CCDC136: variants seen among roughly 807,000 people sequenced by gnomAD.
CCDC136 encodes coiled-coil domain-containing protein 136.
Under a neutral mutation model 141.2 loss-of-function variants are expected in CCDC136, and 100 were observed. The observed-to-expected ratio is 0.71, with a 90% CI of 0.60 to 0.84. The LOEUF is 0.84. Among genes scored for constraint, CCDC136 ranks in the 40% least tolerant of loss-of-function variants. CCDC136 has a pLI of 0.00. For missense variants in CCDC136, 1,206 were observed against 1,379.4 expected, an observed-to-expected ratio of 0.87 and a Z score of 1.99; for synonymous variants, 474 against 531.9, an observed-to-expected ratio of 0.89 and a Z score of 1.50.
intron 3 of CCDC136, among the ~76,000 whole-genome samples, chr7:128,799,153 G>A (rs1459096114): frequency 9.5e-6 from 1 of 104,966 alleles, no homozygotes; most frequent in African/African-American, 3.8e-5. Context: ...GCAACAGAAA[G>A]AGACCCCCAT....
At chr7:128,796,742 C>CTT (rs1218339624) in intron 3 of CCDC136, among the ~76,000 whole-genome samples, 5 of 108,926 alleles carry the variant, frequency 4.6e-5, no homozygotes, top group Non-Finnish European at 7.6e-5. Context: ...TATATATATT[C>CTT]TTTTTTTTTT....
chr7:128,802,729 A>G (rs2128906197), intron 4 of CCDC136, among the ~76,000 whole-genome samples: 1 of 152,350 alleles, frequency 6.6e-6, no homozygotes, highest in South Asian at 2.1e-4. Flanking sequence ...TGGTAATGTA[A>G]GATGTTGACA....
intron 17 of CCDC136, among the ~76,000 whole-genome samples, chr7:128,819,177 C>T (rs574792556): frequency 6.6e-6 from 1 of 152,358 alleles, no homozygotes; most frequent in South Asian, 2.1e-4. Flanking sequence ...CAGCCACAGC[C>T]TTCCACTACC....
At chr7:128,791,483 C>A, upstream of CCDC136, 1 of 1,321,424 alleles carries the variant, frequency 7.6e-7, no homozygotes, top group South Asian at 2.1e-5. The surrounding 1 kb of genome is among the most constrained non-coding windows in gnomAD (Gnocchi z 7.1). Context: ...AAGGCGGCGG[C>A]GGGAGCGGTC....
intron 4 of CCDC136, among the ~76,000 whole-genome samples, chr7:128,804,104 C>T (rs1246973511): frequency 6.6e-6 from 1 of 152,232 alleles, no homozygotes; most frequent in Non-Finnish European, 1.5e-5. Flanking sequence ...GCTTGAGCCA[C>T]TACACCTGGC....
At position 128,807,469 on chromosome 7, in the gene CCDC136, T is replaced by C. The variant is rs1253731072; in HGVS notation, c.1529T>C (p.Leu510Pro). The C allele has an allele frequency of 9.7e-6, 15 of 1,552,776 alleles. No homozygotes were observed. Among genetic ancestry groups the C allele is most frequent in the Non-Finnish European group, 1.2e-5 (14 of 1,148,996 alleles). Residue 510 changes from leucine to proline, a missense_variant, in exon 10 of 18, where the codon CTG becomes CCG. By Grantham distance (98) the Leu-to-Pro change is moderately conservative. Coordinates refer to ENST00000297788, the MANE Select transcript of CCDC136 (RefSeq NM_022742.5). ...TATGACCAGCTGGAGCAGGACCTCC[T>C]GCTCTGCCAGCTGGAGCTGAAAGAG... ...HMYDQLEQDL[L>P]LCQLELKELK...
At chr7:128,813,685 TA>T (rs1195132890) in intron 14 of CCDC136, among the ~76,000 whole-genome samples, 1 of 152,124 alleles carries the variant, frequency 6.6e-6, no homozygotes, top group Admixed American at 6.5e-5. Flanking sequence ...GGAGTTCCCA[TA>T]AAAAGAATTC....
chr7:128,794,758 G>T lies in CCDC136; in HGVS notation c.336G>T (p.Gln112His), dbSNP rs1802697275. The change falls in exon 3 of 18, where the codon CAG (glutamine) becomes CAT (histidine). Residue 112 changes from glutamine to histidine, a missense_variant. Coordinates refer to ENST00000297788, the MANE Select transcript of CCDC136 (RefSeq NM_022742.5). The surrounding 1 kb of genome is among the most constrained non-coding windows in gnomAD (Gnocchi z 4.3). ...CAGAGGTGTTCACCAAGCAGATCCA[G>T]CAGCTCCAAGGTAATTCCCAGGACT... ...QQAEVFTKQI[Q>H]QLQGELRSLR... 6.4e-7 allele frequency: 1 copy of T among 1,551,580 alleles called. No individual in the cohort carries two copies. The highest frequency in any genetic ancestry group is 1.4e-5 in the African/African-American group (1 of 73,046).
At chr7:128,796,332 A>T (rs2128895429) in intron 3 of CCDC136, among the ~76,000 whole-genome samples, 1 of 152,310 alleles carries the variant, frequency 6.6e-6, no homozygotes, top group South Asian at 2.1e-4. Context: ...AAGCAACAGC[A>T]ACTGCAAAGG....
At chr7:128,820,439 T>TTCTAC (rs1426200754) in intron 17 of CCDC136, among the ~76,000 whole-genome samples, 6 of 152,192 alleles carry the variant, frequency 3.9e-5, no homozygotes, top group Non-Finnish European at 5.9e-5. Context: ...CCATCCCATG[T>TTCTAC]AGAAGCTTGC....
At position 128,804,651 on chromosome 7, in the gene CCDC136, A is replaced by G; in HGVS notation, c.672A>G (p.Glu224=). Residue 224 remains glutamate, a splice_region_variant and synonymous_variant, in exon 5 of 18, where the codon GAA becomes GAG. Coordinates refer to ENST00000297788, the MANE Select transcript of CCDC136 (RefSeq NM_022742.5). ...LGLSDYSGLQ[E]ELQELRERYH... is the part of the protein sequence containing the mutation. ...TCTCTCTCTGCCTGTCCTCTGCAGAAGAACTGCAGGAGCTGCGGGAACGCT... is the reference window on the plus strand; with the variant it reads ...TCTCTCTCTGCCTGTCCTCTGCAGAGGAACTGCAGGAGCTGCGGGAACGCT... 1 of 1,549,382 alleles carries G rather than the reference A, an allele frequency of 6.5e-7. No homozygotes were observed. The highest frequency in any genetic ancestry group is 2.4e-5 in the East Asian group (1 of 41,990).
At position 128,806,645 on chromosome 7, in the gene CCDC136, T is replaced by C. The variant is rs779057040; in HGVS notation, c.1249-43T>C. 3.8e-6 allele frequency: 6 copies of C among 1,572,042 alleles called. No homozygotes were observed. The Admixed American group carries it at 7.2e-5, about 19-fold the overall frequency. On this transcript the variant is annotated intron_variant, in intron 8 of 17. Transcript: ENST00000297788. Reference sequence around the variant, plus strand: ...TGACTCACACAGAAGAGTGAGTGGGTTAAGGAGCCCAAAGGCACTGCCCAA... The same window carrying C: ...TGACTCACACAGAAGAGTGAGTGGGCTAAGGAGCCCAAAGGCACTGCCCAA...
At chr7:128,816,261 T>C (rs1045120525) in intron 16 of CCDC136, among the ~76,000 whole-genome samples, 1 of 152,234 alleles carries the variant, frequency 6.6e-6, no homozygotes. Flanking sequence ...CATCCCTCTT[T>C]TGGCACTGCA....
intron 4 of CCDC136, among the ~76,000 whole-genome samples, chr7:128,803,544 T>C (rs1804364742): frequency 6.6e-6 from 1 of 152,112 alleles, no homozygotes; most frequent in South Asian, 2.1e-4. Flanking sequence ...CACAGGTACT[T>C]GGGAGGCCGA....
chr7:128,811,392 A>T (rs1327722485), intron 12 of CCDC136: 1 of 459,608 alleles, frequency 2.2e-6, no homozygotes, highest in East Asian at 6.9e-5. Flanking sequence ...GCCGCATTCA[A>T]GGCCGGGGCT....
rs1804736814 is a variant in CCDC136 at position 128,805,778 on chromosome 7, T to C, written c.966T>C (p.Cys322=). The C allele has an allele frequency of 1.9e-6, 3 of 1,612,420 alleles. No individual in the cohort carries two copies. The East Asian group carries it at 6.7e-5, about 36-fold the overall frequency. ...CCACATAGTGTCAGGAATTGTGTTG[T>C]GAGTTGGAAGAGCTACAGCATCATC... ...GMKNKCQELC[C]ELEELQHHRQ... Residue 322 remains cysteine, a synonymous_variant, in exon 7 of 18, where the codon TGT becomes TGC. Coordinates refer to ENST00000297788, the MANE Select transcript of CCDC136 (RefSeq NM_022742.5). This position sits in a 1 kb window ranked among gnomAD's most constrained non-coding sequence, Gnocchi z 4.6.
At position 128,811,851 on chromosome 7, in the gene CCDC136, G is replaced by A. The variant is rs368143350; in HGVS notation, c.2080G>A (p.Ala694Thr). The A allele has an allele frequency of 5.6e-6, 9 of 1,610,040 alleles. No individual in the cohort carries two copies. The African/African-American group carries it at 8.0e-5, about 14-fold the overall frequency. ...GCAGGCCCTGCAGGTGATGTATGAC[G>A]CCGGTCAGGCGAAGCAGGAGCTCTT... ...QMQALQVMYDAGQAKQELLQQ... is the reference protein window; with the variant it reads ...QMQALQVMYDTGQAKQELLQQ... Residue 694 changes from alanine (A) to threonine (T), a missense_variant, in exon 13 of 18, where the codon GCC (alanine) becomes ACC (threonine). Ala to Thr is a moderately conservative substitution (Grantham distance 58). Coordinates refer to ENST00000297788, the MANE Select transcript of CCDC136 (RefSeq NM_022742.5).
chr7:128,801,205 G>C lies in CCDC136; in HGVS notation c.366G>C (p.Arg122=), dbSNP rs201330064. The C allele has an allele frequency of 1.9e-6, 3 of 1,613,202 alleles. No homozygotes were observed. In the African/African-American group the frequency reaches 4.0e-5, roughly 22 times the overall value. ...QQLQGELRSL[R]EEISLLEHEK... The stretch of plus-strand genomic sequence containing the variant: ...TTGCAGGTGAGCTGCGTTCTCTACG[G>C]GAGGAGATTTCCCTGTTAGAGCATG... The change falls in exon 4 of 18, where the codon CGG becomes CGC. Residue 122 remains arginine (R), a synonymous_variant. Transcript: ENST00000297788.
In CCDC136 at chr7:128,794,074, A is replaced by G. The variant is rs904022873; in HGVS notation, c.17-274A>G. On this transcript the variant is annotated intron_variant, in intron 1 of 17. Transcript: ENST00000297788. The surrounding 1 kb of genome is among the most constrained non-coding windows in gnomAD (Gnocchi z 4.3). Reference sequence around the variant, plus strand: ...ATCCTGTGCAAGTGTCTCATGGCTGAGCGGGCACCAGCCTGCCCACAGGCA... The same window carrying G: ...ATCCTGTGCAAGTGTCTCATGGCTGGGCGGGCACCAGCCTGCCCACAGGCA... Among the ~76,000 whole-genome samples the G allele has an allele frequency of 1.7e-4, 26 of 152,242 alleles. No individual in the cohort carries two copies. Among genetic ancestry groups the G allele is most frequent in the African/African-American group, 6.3e-4 (26 of 41,470 alleles).
Sources: gnomAD v4.1 joint callset for allele counts (sites outside exome capture counted in the v4.1 genomes callset) on GRCh38, gnomAD v4.1.1 for gene constraint, Gnocchi (gnomAD v3.1) non-coding constraint, MANE v1.5 for transcripts, NCBI Gene and HGNC (gene_info 2026-07-23, HGNC 2026-07-21) for gene names.